ERC2: variants seen among roughly 807,000 people sequenced by gnomAD.
The protein encoded by ERC2 is ELKS/RAB6-interacting/CAST family member 2.
Under a neutral mutation model 114.8 loss-of-function variants are expected in ERC2, and 42 were observed. That is an observed-to-expected ratio of 0.37 (90% CI 0.29 to 0.47). The LOEUF is 0.47. Ranked by LOEUF, ERC2 falls within the 20% of genes least tolerant of loss-of-function variation. The probability of loss-of-function intolerance (pLI) is 0.99; values close to 1 mark genes in which losing one functional copy is unlikely to be tolerated. For missense variants in ERC2, 939 were observed against 1,150.7 expected (o/e 0.82, Z 2.66); for synonymous variants, 454 against 425.5 (o/e 1.07, Z -0.82).
At chr3:56,278,933 T>C (rs1303540519) in intron 3 of ERC2, among the ~76,000 whole-genome samples, 3 of 152,144 alleles carry the variant, frequency 2.0e-5, no homozygotes, top group Non-Finnish European at 2.9e-5. Flanking sequence ...AACTCCAGCA[T>C]TGGGGATCAC....
chr3:55,615,143 A>G (rs1268133653), intron 17 of ERC2, among the ~76,000 whole-genome samples: 1 of 152,228 alleles, frequency 6.6e-6, no homozygotes, highest in Non-Finnish European at 1.5e-5. Flanking sequence ...CAAGAGAAAC[A>G]CGTACACTCT....
intron 15 of ERC2, among the ~76,000 whole-genome samples, chr3:55,707,892 C>T (rs1455562887): frequency 6.6e-6 from 1 of 152,134 alleles, no homozygotes; most frequent in East Asian, 1.9e-4. Context: ...TCCCACTTTA[C>T]AGATGAAGAA....
At chr3:55,964,207 G>A (rs2068585482) in intron 12 of ERC2, among the ~76,000 whole-genome samples, 1 of 152,136 alleles carries the variant, frequency 6.6e-6, no homozygotes, top group Admixed American at 6.5e-5. Flanking sequence ...TTACATGGAG[G>A]GCACTTCATC....
intron 5 of ERC2, among the ~76,000 whole-genome samples, chr3:56,148,053 TCAA>T (rs1283075097): frequency 6.6e-6 from 1 of 152,118 alleles, no homozygotes; most frequent in Non-Finnish European, 1.5e-5. Flanking sequence ...AATACCACTG[TCAA>T]CAACAATGCC....
chr3:55,951,255 T>C (rs2067479439), intron 12 of ERC2, among the ~76,000 whole-genome samples: 1 of 152,224 alleles, frequency 6.6e-6, no homozygotes. Context: ...TTTTGGATCA[T>C]GTTCTTATTC....
chr3:55,575,898 G>C (rs777346480), intron 17 of ERC2, among the ~76,000 whole-genome samples: 1 of 152,186 alleles, frequency 6.6e-6, no homozygotes, highest in East Asian at 1.9e-4. Flanking sequence ...AAACAAGCAC[G>C]TAGGTACTTT....
intron 17 of ERC2, among the ~76,000 whole-genome samples, chr3:55,584,389 C>T (rs1301957544): frequency 1.3e-5 from 2 of 152,202 alleles, no homozygotes; most frequent in Non-Finnish European, 2.9e-5. Flanking sequence ...AATGTTCATT[C>T]AACAATGGCT....
intron 10 of ERC2, among the ~76,000 whole-genome samples, chr3:55,995,207 C>T (rs1160717815): frequency 6.6e-6 from 1 of 152,154 alleles, no homozygotes; most frequent in Non-Finnish European, 1.5e-5. Context: ...GAGGCACACG[C>T]CTGTAGTCCC....
intron 4 of ERC2, among the ~76,000 whole-genome samples, chr3:56,163,335 T>C (rs549636355): frequency 1.2e-4 from 18 of 152,214 alleles, no homozygotes; most frequent in African/African-American, 4.1e-4. Flanking sequence ...GAAGAACATA[T>C]ATTCTGTGGT....
intron 3 of ERC2, among the ~76,000 whole-genome samples, chr3:56,206,682 A>G (rs547952669): frequency 6.6e-6 from 1 of 152,352 alleles, no homozygotes; most frequent in Admixed American, 6.5e-5. Flanking sequence ...AGACCTTATA[A>G]AACACACACA....
chr3:56,127,601 C>T (rs532102798), intron 6 of ERC2, among the ~76,000 whole-genome samples: 2 of 151,614 alleles, frequency 1.3e-5, no homozygotes, highest in Non-Finnish European at 2.9e-5. Flanking sequence ...CAGATGCCTG[C>T]AATCCCAGCT....
intron 6 of ERC2, among the ~76,000 whole-genome samples, chr3:56,107,647 T>A (rs1433436162): frequency 6.6e-6 from 1 of 152,182 alleles, no homozygotes; most frequent in Non-Finnish European, 1.5e-5. Context: ...ACCCTTCTGA[T>A]TTTTTCATTA....
chr3:55,797,337 C>A lies in ERC2; in HGVS notation c.2565-62419G>T, dbSNP rs563067939. On this transcript the variant is annotated intron_variant, in intron 14 of 17. Coordinates refer to ENST00000288221, the MANE Select transcript of ERC2 (RefSeq NM_015576.3). ...TTGCTCTGAGCACAAACACCATGGTCATTTGTACAACCGAGAGACTCAGCC... is the reference window on the plus strand; with the variant it reads ...TTGCTCTGAGCACAAACACCATGGTAATTTGTACAACCGAGAGACTCAGCC... 1.3e-4 allele frequency among the ~76,000 whole-genome samples: 20 copies of A among 152,318 alleles called. No individual in the cohort carries two copies. In the East Asian group the frequency reaches 2.5e-3, roughly 19 times the overall value.
intron 5 of ERC2, among the ~76,000 whole-genome samples, chr3:56,147,701 C>A (rs73078496): frequency 0.012 from 1,900 of 152,192 alleles, 14 homozygotes; most frequent in Non-Finnish European, 0.015. Context: ...AACAAGAGAA[C>A]AGGCATATTT....
intron 7 of ERC2, among the ~76,000 whole-genome samples, chr3:56,060,638 A>G (rs1560105802): frequency 6.6e-6 from 1 of 152,218 alleles, no homozygotes. Flanking sequence ...CTGGCCTGCC[A>G]AGCTTAATAA....
intron 17 of ERC2, among the ~76,000 whole-genome samples, chr3:55,524,640 G>A (rs1290770766): frequency 6.6e-6 from 1 of 151,732 alleles, no homozygotes; most frequent in East Asian, 1.9e-4. Flanking sequence ...GCCACAAGAA[G>A]GAGCAGTTGT....
chr3:56,395,173 T>C (rs1343295481), intron 2 of ERC2, among the ~76,000 whole-genome samples: 1 of 152,288 alleles, frequency 6.6e-6, no homozygotes, highest in East Asian at 1.9e-4. Flanking sequence ...GAGTTTCTTT[T>C]TTAGGTGATA....
intron 17 of ERC2, among the ~76,000 whole-genome samples, chr3:55,564,975 C>T (rs898703073): frequency 3.3e-5 from 5 of 152,188 alleles, no homozygotes; most frequent in Admixed American, 6.5e-5. Flanking sequence ...AATATGTAAA[C>T]GAACGAGTGT....
chr3:55,643,403 A>G (rs962893250), intron 17 of ERC2, among the ~76,000 whole-genome samples: 2 of 152,200 alleles, frequency 1.3e-5, no homozygotes, highest in Non-Finnish European at 1.5e-5. Context: ...TAGATAAAAG[A>G]GAGTTTCTAA....
Sources: gnomAD v4.1 joint callset for allele counts (sites outside exome capture counted in the v4.1 genomes callset) on GRCh38, gnomAD v4.1.1 for gene constraint, MANE v1.5 for transcripts, NCBI Gene and HGNC (gene_info 2026-07-23, HGNC 2026-07-21) for gene names.